PJA2: variants seen among roughly 807,000 people sequenced by gnomAD.
PJA2 encodes the protein praja ring finger ubiquitin ligase 2.
In PJA2, 25 loss-of-function variants were observed where a neutral mutation model predicts 69.3. The observed-to-expected ratio is 0.36, with a 90% CI of 0.26 to 0.50. The LOEUF is 0.50. Among genes scored for constraint, PJA2 ranks in the 20% least tolerant of loss-of-function variants. The pLI, the probability that PJA2 is intolerant of heterozygous loss-of-function variation, is 0.96. For missense variants in PJA2, 809 were observed against 830.2 expected (o/e 0.97, Z 0.31); for synonymous variants, 308 against 277.8 (o/e 1.11, Z -1.08).
At chr5:109,340,815 T>C (rs2126984105) in intron 9 of PJA2, among the ~76,000 whole-genome samples, 1 of 106,092 alleles carries the variant, frequency 9.4e-6, no homozygotes, top group African/African-American at 3.1e-5. Flanking sequence ...CACACCTGAC[T>C]GGTTTTGGTG....
intron 4 of PJA2, among the ~76,000 whole-genome samples, chr5:109,373,632 A>C (rs1399441562): frequency 6.6e-6 from 1 of 152,200 alleles, no homozygotes; most frequent in Non-Finnish European, 1.5e-5. Context: ...CATTTGTTCT[A>C]GATTTTAAAA....
chr5:109,349,535 C>T (rs1168265220), intron 7 of PJA2, among the ~76,000 whole-genome samples: 2 of 152,212 alleles, frequency 1.3e-5, no homozygotes, highest in Non-Finnish European at 2.9e-5. Context: ...GACAGTTCTG[C>T]AGTACAGCAC....
chr5:109,398,928 T>A (rs1392310534), intron 1 of PJA2, among the ~76,000 whole-genome samples: 1 of 151,702 alleles, frequency 6.6e-6, no homozygotes, highest in East Asian at 1.9e-4. Context: ...ATCAAAGAAA[T>A]GGGGCCGGGT....
chr5:109,339,600 T>C (rs557406236), intron 9 of PJA2, among the ~76,000 whole-genome samples: 1 of 152,230 alleles, frequency 6.6e-6, no homozygotes, highest in Admixed American at 6.5e-5. Context: ...TGCTCGAAAA[T>C]TTTAAGAGTT....
intron 5 of PJA2, 124 bp from the exon 6 acceptor site, chr5:109,363,146 C>G: frequency 1.3e-6 from 1 of 772,828 alleles, no homozygotes; most frequent in Non-Finnish European, 1.9e-6. Context: ...TTTTATAATT[C>G]TAAAAAACTG....
intron 4 of PJA2, among the ~76,000 whole-genome samples, chr5:109,376,635 G>GA (rs1302559397): frequency 1.3e-5 from 2 of 151,228 alleles, no homozygotes; most frequent in African/African-American, 4.9e-5. Context: ...GTAACTGGGG[G>GA]AAAAAAAATA....
intron 4 of PJA2, among the ~76,000 whole-genome samples, chr5:109,371,688 C>CA (rs1384915148): frequency 6.6e-6 from 1 of 152,164 alleles, no homozygotes; most frequent in African/African-American, 2.4e-5. Flanking sequence ...AGTATTACTC[C>CA]AAAAAACCTT....
At position 109,336,413 on chromosome 5, in the gene PJA2, T is replaced by C. The variant is rs1469273973; in HGVS notation, c.*818A>G. 1 of 152,124 alleles carries C rather than the reference T, an allele frequency of 6.6e-6. No homozygotes were observed. Among genetic ancestry groups the C allele is most frequent in the Non-Finnish European group, 1.5e-5 (1 of 68,026 alleles). The allele number at this position is 152,124 out of a possible 1,614,324, so 9.4% of individuals were successfully genotyped here. ...CTAACTATAAGCAATATTAAACAAA[T>C]GTGCCATGAGTGTTCTGGGCCTTCA... is the stretch of plus-strand genomic sequence containing the variant. On this transcript the variant is annotated 3_prime_UTR_variant, in exon 10 of 10. Coordinates refer to ENST00000361189, the MANE Select transcript of PJA2 (RefSeq NM_014819.5).
chr5:109,357,612 T>C (rs1762434536), intron 6 of PJA2, among the ~76,000 whole-genome samples: 1 of 152,224 alleles, frequency 6.6e-6, no homozygotes, highest in Non-Finnish European at 1.5e-5. Context: ...AATAAGTAGG[T>C]GTGCAAAGGT....
At chr5:109,370,290 T>C (rs1011951944) in intron 4 of PJA2, among the ~76,000 whole-genome samples, 5 of 152,216 alleles carry the variant, frequency 3.3e-5, no homozygotes, top group African/African-American at 4.8e-5. Context: ...AATTTTAGTT[T>C]ACATTTTTGA....
At chr5:109,343,853 T>C (rs902664891) in intron 9 of PJA2, among the ~76,000 whole-genome samples, 3 of 152,160 alleles carry the variant, frequency 2.0e-5, no homozygotes, top group Non-Finnish European at 4.4e-5. Flanking sequence ...CCCAGCACTT[T>C]GGGAGGCTGA....
At chr5:109,404,813 A>T (rs1483964909) in intron 1 of PJA2, among the ~76,000 whole-genome samples, 1 of 152,218 alleles carries the variant, frequency 6.6e-6, no homozygotes, top group Non-Finnish European at 1.5e-5. Context: ...AAGGGACATA[A>T]GCATTCAAGC....
intron 9 of PJA2, among the ~76,000 whole-genome samples, chr5:109,341,315 G>A (rs200193024): frequency 0.029 from 4,305 of 149,052 alleles, 216 homozygotes; most frequent in East Asian, 0.29. Context: ...TGTGAGGAGC[G>A]CCTCTGCCCG....
At chr5:109,391,513 T>C (rs1259251725) in intron 1 of PJA2, among the ~76,000 whole-genome samples, 4 of 152,034 alleles carry the variant, frequency 2.6e-5, no homozygotes, top group African/African-American at 7.2e-5. Flanking sequence ...TGGAGCACTA[T>C]AAAGATGTAC....
At chr5:109,352,498 T>C (rs1193250073) in intron 7 of PJA2, among the ~76,000 whole-genome samples, 1 of 152,156 alleles carries the variant, frequency 6.6e-6, no homozygotes, top group African/African-American at 2.4e-5. Context: ...GCTATACCAT[T>C]ATTTCTTATG....
chr5:109,406,722 TTGAA>T (rs1561369043), intron 1 of PJA2, among the ~76,000 whole-genome samples: 2 of 152,212 alleles, frequency 1.3e-5, no homozygotes, highest in African/African-American at 4.8e-5. Context: ...TGAATGTTCA[TTGAA>T]TAAAGGAATG....
chr5:109,344,971 G>A, intron 7 of PJA2, 152 bp from the exon 8 acceptor site: 1 of 503,178 alleles, frequency 2.0e-6, no homozygotes, highest in Non-Finnish European at 3.6e-6. Context: ...CTCTTCAGAA[G>A]GAACTACCAC....
chr5:109,393,226 CAT>C (rs1441224185), intron 1 of PJA2, among the ~76,000 whole-genome samples: 1 of 152,032 alleles, frequency 6.6e-6, no homozygotes, highest in Non-Finnish European at 1.5e-5. Context: ...GGCTAAGAAA[CAT>C]ATGAAAAGGT....
Position 109,378,751 on chromosome 5 carries a change from T to C in PJA2, c.736A>G (p.Thr246Ala), listed in dbSNP as rs140050875. The C allele has an allele frequency of 6.3e-5, 102 of 1,612,438 alleles. No individual in the cohort carries two copies. The African/African-American group carries it at 1.2e-3, about 18-fold the overall frequency. ...VPLVKSSAGDTEFVHQNSQEI... is the reference protein window; with the variant it reads ...VPLVKSSAGDAEFVHQNSQEI... ...TGGCTATTCTGATGGACAAACTCAGTATCACCAGCAGAACTTTTCACTAAT... is the reference window on the plus strand; with the variant it reads ...TGGCTATTCTGATGGACAAACTCAGCATCACCAGCAGAACTTTTCACTAAT... The change falls in exon 4 of 10, where the codon ACT becomes GCT. Residue 246 changes from threonine (T) to alanine (A), a missense_variant. Thr to Ala is a moderately conservative substitution (Grantham distance 58, BLOSUM62 0). Transcript: ENST00000361189.
Sources: allele counts gnomAD v4.1 joint callset (sites outside exome capture counted in the v4.1 genomes callset), GRCh38; gene constraint gnomAD v4.1.1; transcripts MANE v1.5; gene names NCBI Gene and HGNC (gene_info 2026-07-23, HGNC 2026-07-21).